Variants in PCDHGB1 observed in about 807,000 individuals in gnomAD.
PCDHGB1 encodes protocadherin gamma-B1.
In PCDHGB1, 34 loss-of-function variants were observed where a neutral mutation model predicts 56.6. The ratio of observed to expected loss-of-function variants is 0.60; its 90% CI spans 0.46 to 0.80. The LOEUF (loss-of-function observed/expected upper bound fraction) is 0.80. Ranked by LOEUF, PCDHGB1 falls within the 30% of genes least tolerant of loss-of-function variation. PCDHGB1 has a pLI of 0.00. For synonymous variants in PCDHGB1, 561 were observed against 505.9 expected, an observed-to-expected ratio of 1.11 and a Z score of -1.46; for missense variants, 1,278 against 1,204.6, an observed-to-expected ratio of 1.06 and a Z score of -0.90.
At chr5:141,483,084 CA>C (rs898059463) in intron 1 of PCDHGB1, among the ~76,000 whole-genome samples, 4 of 150,440 alleles carry the variant, frequency 2.7e-5, no homozygotes, top group Middle Eastern at 3.4e-3. Flanking sequence ...GACTCCATCT[CA>C]AAAAAAAAGT....
intron 1 of PCDHGB1, chr5:141,479,247 C>A (rs1428944159): frequency 6.6e-6 from 1 of 152,084 alleles, no homozygotes; most frequent in Non-Finnish European, 1.5e-5. Flanking sequence ...CAAAGATAAC[C>A]ATTTTTAATT....
chr5:141,404,860 T>G (rs3749769), intron 1 of PCDHGB1: 7 of 1,613,630 alleles, frequency 4.3e-6, no homozygotes, highest in Admixed American at 1.7e-5. Context: ...TAGATAGAGA[T>G]GCGCTCAAAC....
intron 1 of PCDHGB1, chr5:141,355,436 C>G: frequency 1.2e-6 from 2 of 1,614,090 alleles, no homozygotes; most frequent in Non-Finnish European, 1.7e-6. Context: ...GCCCTGAACC[C>G]GCGCAGCGGC....
chr5:141,361,662 G>T, intron 1 of PCDHGB1: 1 of 1,613,714 alleles, frequency 6.2e-7, no homozygotes, highest in South Asian at 1.1e-5. Context: ...CCGTGAGCGC[G>T]CAGAGCGGGG....
chr5:141,394,087 C>T, intron 1 of PCDHGB1: 2 of 1,613,888 alleles, frequency 1.2e-6, no homozygotes, highest in Non-Finnish European at 1.7e-6. Context: ...GTGATGGCCT[C>T]AGATCTAGGA....
chr5:141,430,754 A>G (rs778266116), intron 1 of PCDHGB1: 26 of 1,503,884 alleles, frequency 1.7e-5, no homozygotes, highest in East Asian at 4.6e-5. Flanking sequence ...CTGGAGGAAG[A>G]TAAGAATGAT....
At position 141,350,729 on chromosome 5, in the gene PCDHGB1, G is replaced by A. The variant is rs763719542; in HGVS notation, c.469G>A (p.Ala157Thr). The stretch of plus-strand genomic sequence containing the variant: ...ATTCTCTCTGGATTCTGCTCAAGAT[G>A]CAGATGTGGAAGGCAATTCACTGAA... ...VKFSLDSAQD[A>T]DVEGNSLKLY... The change falls in exon 1 of 4, where the codon GCA becomes ACA. Residue 157 changes from alanine to threonine, a missense_variant. Ala to Thr is a moderately conservative substitution (Grantham distance 58). Coordinates refer to ENST00000523390, the MANE Select transcript of PCDHGB1 (RefSeq NM_018922.3). The A allele has an allele frequency of 6.4e-5, 103 of 1,613,848 alleles. No individual in the cohort carries two copies. Among genetic ancestry groups the A allele is most frequent in the Middle Eastern group, 1.6e-4 (1 of 6,084 alleles).
Position 141,384,133 on chromosome 5 carries a change from C to T in PCDHGB1, c.2409+31464C>T, listed in dbSNP as rs770731491. 9.3e-6 allele frequency: 15 copies of T among 1,611,570 alleles called. No individual in the cohort carries two copies. Among genetic ancestry groups the T allele is most frequent in the Admixed American group, 1.7e-5 (1 of 59,646 alleles). On this transcript the variant is annotated intron_variant, in intron 1 of 3. Coordinates refer to ENST00000523390, the MANE Select transcript of PCDHGB1 (RefSeq NM_018922.3). ...ATTGGTCACAACCAAAAACTTGGAC[C>T]GGGAAACACTCTCTTTGTATAACAT... is the stretch of plus-strand genomic sequence containing the variant.
At chr5:141,496,602 C>T (rs981108050) in intron 2 of PCDHGB1, among the ~76,000 whole-genome samples, 1 of 152,150 alleles carries the variant, frequency 6.6e-6, no homozygotes, top group Non-Finnish European at 1.5e-5. Flanking sequence ...TCTTAGAAGG[C>T]CCCTAAAAAG....
chr5:141,379,889 C>CTTTTT lies in PCDHGB1; in HGVS notation c.2409+27246_2409+27250dup, dbSNP rs70988800. 5.8e-3 allele frequency among the ~76,000 whole-genome samples: 293 copies of CTTTTT among 50,830 alleles called. 35 individuals carry two copies. The highest frequency in any genetic ancestry group is 6.4e-3 in the African/African-American group (97 of 15,076). The allele number at this position is 50,830 out of a possible 152,430, so 33.3% of individuals were successfully genotyped here. A position where few individuals can be genotyped will look rare whatever the true frequency, so the allele number is the denominator to read the frequency against. On this transcript the variant is annotated intron_variant, in intron 1 of 3. Coordinates refer to ENST00000523390, the MANE Select transcript of PCDHGB1 (RefSeq NM_018922.3). ...CTTATTTTATGGTCTGTGAAAGCCTCTTTTTTTTTTTTTTTTTTTTTTTTT... is the reference window on the plus strand; with the variant it reads ...CTTATTTTATGGTCTGTGAAAGCCTCTTTTTTTTTTTTTTTTTTTTTTTTTTTTTT...
intron 1 of PCDHGB1, chr5:141,492,073 G>C (rs2099736846): frequency 6.2e-6 from 3 of 480,898 alleles, no homozygotes; most frequent in Non-Finnish European, 1.1e-5. Flanking sequence ...CCTAGGCGCC[G>C]GCTCCGGCAC....
At chr5:141,429,801 C>T (rs2097245893) in intron 1 of PCDHGB1, among the ~76,000 whole-genome samples, 1 of 152,104 alleles carries the variant, frequency 6.6e-6, no homozygotes, top group African/African-American at 2.4e-5. Flanking sequence ...CAGTAATTCT[C>T]AGTAATTACA....
intron 1 of PCDHGB1, chr5:141,423,674 C>A (rs57195665): frequency 0.087 from 131,432 of 1,514,090 alleles, 6,254 homozygotes; most frequent in East Asian, 0.14. Flanking sequence ...AGATTTATTT[C>A]TCTGCCTCCT....
intron 1 of PCDHGB1, chr5:141,384,572 A>G: frequency 6.2e-7 from 1 of 1,613,908 alleles, no homozygotes; most frequent in Non-Finnish European, 8.5e-7. Context: ...CAGAATGACA[A>G]CCCGCCCGAG....
At chr5:141,466,107 G>T (rs1463944825) in intron 1 of PCDHGB1, among the ~76,000 whole-genome samples, 1 of 151,928 alleles carries the variant, frequency 6.6e-6, no homozygotes, top group East Asian at 1.9e-4. Flanking sequence ...GGGCAACAGA[G>T]TGAGACTCCA....
intron 1 of PCDHGB1, among the ~76,000 whole-genome samples, chr5:141,484,837 T>C (rs1289449270): frequency 6.6e-6 from 1 of 151,620 alleles, no homozygotes; most frequent in Non-Finnish European, 1.5e-5. Context: ...GGCGAAAAGA[T>C]AGGCTGGGTT....
chr5:141,397,168 T>C (rs997043690), intron 1 of PCDHGB1, among the ~76,000 whole-genome samples: 3 of 152,202 alleles, frequency 2.0e-5, no homozygotes, highest in Non-Finnish European at 4.4e-5. Context: ...CCAATAACTC[T>C]TAAGAATGAA....
intron 1 of PCDHGB1, chr5:141,418,015 G>C: frequency 6.2e-7 from 1 of 1,613,964 alleles, no homozygotes; most frequent in Non-Finnish European, 8.5e-7. Context: ...ACCTCGCTAA[G>C]GATCTAGGGC....
chr5:141,409,165 G>T (rs2095233723), intron 1 of PCDHGB1: 1 of 1,613,886 alleles, frequency 6.2e-7, no homozygotes, highest in Admixed American at 1.7e-5. Flanking sequence ...AAGTGGAAGC[G>T]AAGGACGGAG....
Sources: gnomAD v4.1 joint callset for allele counts (sites outside exome capture counted in the v4.1 genomes callset) on GRCh38, gnomAD v4.1.1 for gene constraint, MANE v1.5 for transcripts, NCBI Gene and HGNC (gene_info 2026-07-23, HGNC 2026-07-21) for gene names.